The following SENP7 variants were observed in gnomAD, a reference collection of about 807,000 sequenced individuals.
SENP7 encodes the protein SUMO specific peptidase 7.
Under a neutral mutation model 141.2 loss-of-function variants are expected in SENP7, and 64 were observed. The observed-to-expected ratio is 0.45, with a 90% CI of 0.37 to 0.56. The LOEUF (loss-of-function observed/expected upper bound fraction) is 0.56, where lower values mean the gene tolerates loss of function less well. Among genes scored for constraint, SENP7 ranks in the 20% least tolerant of loss-of-function variants. The pLI is 0.00. For missense variants in SENP7, 1,025 were observed against 1,212.2 expected (o/e 0.85, Z 2.29); for synonymous variants, 382 against 426.4 (o/e 0.90, Z 1.28).
intron 6 of SENP7, among the ~76,000 whole-genome samples, chr3:101,394,476 G>A (rs2060906318): frequency 6.6e-6 from 1 of 151,860 alleles, no homozygotes; most frequent in Admixed American, 6.6e-5. Flanking sequence ...CAGGACTACT[G>A]GATTGTACAG....
intron 11 of SENP7, among the ~76,000 whole-genome samples, chr3:101,353,003 G>C (rs2059650835): frequency 6.6e-6 from 1 of 151,884 alleles, no homozygotes; most frequent in Admixed American, 6.6e-5. Context: ...GTAGTAAGTA[G>C]GTAAACTTAG....
intron 4 of SENP7, among the ~76,000 whole-genome samples, chr3:101,451,288 C>G (rs2063124071): frequency 6.6e-6 from 1 of 152,108 alleles, no homozygotes; most frequent in Non-Finnish European, 1.5e-5. Context: ...ACCAGAGGTA[C>G]AAAGAGAAGC....
At chr3:101,395,201 T>C (rs1398446426) in intron 6 of SENP7, among the ~76,000 whole-genome samples, 4 of 152,192 alleles carry the variant, frequency 2.6e-5, no homozygotes, top group Non-Finnish European at 5.9e-5. Context: ...GTGTGAGGTC[T>C]AAGTCAAAAA....
intron 22 of SENP7, 145 bp from the exon 23 acceptor site, chr3:101,327,961 A>C: frequency 1.7e-6 from 1 of 572,264 alleles, no homozygotes; most frequent in East Asian, 3.1e-5. Flanking sequence ...TGCAACCTAC[A>C]TTTTATAAGG....
At chr3:101,486,591 G>A (rs1429992360) in intron 3 of SENP7, among the ~76,000 whole-genome samples, 3 of 152,060 alleles carry the variant, frequency 2.0e-5, no homozygotes, top group South Asian at 4.1e-4. Context: ...ACCACTACAA[G>A]AACTGAGAAA....
chr3:101,475,293 G>A (rs765967843), intron 3 of SENP7, among the ~76,000 whole-genome samples: 6 of 152,140 alleles, frequency 3.9e-5, no homozygotes, highest in East Asian at 1.9e-4. Flanking sequence ...ACCAAGACAC[G>A]GAATCATCCC....
In SENP7 at chr3:101,328,684, G is replaced by A. The variant is rs1336425688; in HGVS notation, c.2757C>T (p.Thr919=). The change falls in exon 21 of 24, where the codon ACC becomes ACT. Residue 919 remains threonine, a synonymous_variant. Transcript: ENST00000394095. ...TCTTTGGTACTGACATATTCGACTCGGTACTCTGAAATAACATAAATTTTT... is the reference window on the plus strand; with the variant it reads ...TCTTTGGTACTGACATATTCGACTCAGTACTCTGAAATAACATAAATTTTT... The part of the protein sequence containing the change: ...LSLSAEDSQS[T]ESNMSVPKKM... The A allele has an allele frequency of 6.2e-7, 1 of 1,603,726 alleles. No individual in the cohort carries two copies.
At chr3:101,434,000 T>C (rs111379666) in intron 4 of SENP7, among the ~76,000 whole-genome samples, 2,317 of 152,238 alleles carry the variant, frequency 0.015, 39 homozygotes, top group Non-Finnish European at 0.018. Context: ...CCTCAGCACA[T>C]AGACCATTCT....
intron 6 of SENP7, among the ~76,000 whole-genome samples, chr3:101,382,948 T>C (rs2060545048): frequency 6.6e-6 from 1 of 152,222 alleles, no homozygotes; most frequent in Non-Finnish European, 1.5e-5. Context: ...ATACCTTTAA[T>C]GAGAGTTTTT....
chr3:101,456,919 G>T (rs532229040), intron 4 of SENP7, among the ~76,000 whole-genome samples: 2 of 150,432 alleles, frequency 1.3e-5, no homozygotes, highest in South Asian at 4.2e-4. Flanking sequence ...GAGCCACTGC[G>T]CCTGGCCTTA....
At chr3:101,490,957 G>A (rs191115288) in intron 3 of SENP7, among the ~76,000 whole-genome samples, 5 of 152,048 alleles carry the variant, frequency 3.3e-5, no homozygotes, top group African/African-American at 9.7e-5. Context: ...ACAGGATTTC[G>A]ATTTCCCAAA....
At chr3:101,471,046 G>C (rs2063971815) in intron 3 of SENP7, among the ~76,000 whole-genome samples, 1 of 152,158 alleles carries the variant, frequency 6.6e-6, no homozygotes, top group African/African-American at 2.4e-5. Context: ...TGGATAGGGA[G>C]AATCAATAGC....
intron 4 of SENP7, among the ~76,000 whole-genome samples, chr3:101,437,242 G>A (rs115550094): frequency 2.2e-3 from 330 of 152,292 alleles, no homozygotes; most frequent in African/African-American, 7.6e-3. Flanking sequence ...AGTGGGCTGA[G>A]GGGGGCAGGT....
chr3:101,361,863 T>TA lies in SENP7; in HGVS notation c.1477-3dup. Reference sequence around the variant, plus strand: ...ATATGGGCATAATTCAGATGACATCTAACAAGGAATAAATCATAAAATGCA... The same window carrying TA: ...ATATGGGCATAATTCAGATGACATCTAAACAAGGAATAAATCATAAAATGCA... On this transcript the variant is annotated splice_region_variant and splice_polypyrimidine_tract_variant and intron_variant, in intron 10 of 23. Transcript: ENST00000394095. The TA allele has an allele frequency of 6.3e-7, 1 of 1,588,174 alleles. No homozygotes were observed. Among genetic ancestry groups the TA allele is most frequent in the Non-Finnish European group, 8.5e-7 (1 of 1,172,286 alleles).
chr3:101,401,083 C>A (rs903492892), intron 5 of SENP7, among the ~76,000 whole-genome samples: 1 of 142,582 alleles, frequency 7.0e-6, no homozygotes, highest in Admixed American at 7.3e-5. Flanking sequence ...GGAAAGAGAG[C>A]AAGTCCTTGT....
At chr3:101,441,804 G>C (rs986651135) in intron 4 of SENP7, among the ~76,000 whole-genome samples, 3 of 152,088 alleles carry the variant, frequency 2.0e-5, no homozygotes, top group Admixed American at 6.5e-5. Flanking sequence ...AAAGACTATT[G>C]TACCTGTCCC....
intron 3 of SENP7, among the ~76,000 whole-genome samples, chr3:101,472,902 C>T (rs1190441299): frequency 6.6e-6 from 1 of 152,096 alleles, no homozygotes; most frequent in African/African-American, 2.4e-5. Context: ...GATGCTCTCC[C>T]CTCCTCACAC....
At chr3:101,332,248 T>C (rs557054071) in intron 18 of SENP7, 139 bp from the exon 19 acceptor site, 3 of 802,392 alleles carry the variant, frequency 3.7e-6, no homozygotes, top group East Asian at 2.7e-5. Flanking sequence ...CATTATAATA[T>C]AGAGCATACA....
At chr3:101,455,317 A>G (rs751856318) in intron 4 of SENP7, among the ~76,000 whole-genome samples, 1 of 152,228 alleles carries the variant, frequency 6.6e-6, no homozygotes, top group Non-Finnish European at 1.5e-5. Context: ...TTCCTCAACT[A>G]TGAGATAAGG....
Sources: allele counts gnomAD v4.1 joint callset (sites outside exome capture counted in the v4.1 genomes callset), GRCh38; gene constraint gnomAD v4.1.1; transcripts MANE v1.5; gene names NCBI Gene and HGNC (gene_info 2026-07-23, HGNC 2026-07-21).